Variants in DMRT1 observed in about 807,000 individuals in gnomAD.
DMRT1 encodes doublesex and mab-3 related transcription factor 1, also known as doublesex- and mab-3-related transcription factor 1.
DMRT1 carries 7 observed loss-of-function variants against 32.3 expected under a neutral mutation model. That is an observed-to-expected ratio of 0.22 (90% CI 0.12 to 0.41). The LOEUF is 0.41. Ranked by LOEUF, DMRT1 falls within the 10% of genes least tolerant of loss-of-function variation. The pLI is 1.00. For synonymous variants in DMRT1, 278 were observed against 206.1 expected (o/e 1.35, Z -2.99); for missense variants, 625 against 500.5 (o/e 1.25, Z -2.37).
intron 2 of DMRT1, among the ~76,000 whole-genome samples, chr9:892,867 C>CTTT (rs1441975569): frequency 2.0e-5 from 3 of 152,186 alleles, no homozygotes; most frequent in Non-Finnish European, 2.9e-5. Flanking sequence ...TCATTCCAAA[C>CTTT]TCTACCCCCA....
chr9:934,955 T>A (rs576331322), intron 4 of DMRT1, among the ~76,000 whole-genome samples: 1 of 152,320 alleles, frequency 6.6e-6, no homozygotes, highest in Non-Finnish European at 1.5e-5. Context: ...TATCTTACTT[T>A]TGTTTGTCTC....
rs780064237 is a variant in DMRT1, at chr9:842,230, G to GTTTTTTTTTTT, written c.354+51_354+61dup. The GTTTTTTTTTTT allele has an allele frequency of 4.6e-5, 58 of 1,267,082 alleles. 2 individuals are homozygous for GTTTTTTTTTTT. In the African/African-American group the frequency reaches 1.0e-3, roughly 22 times the overall value. 78.5% of individuals were successfully genotyped at this position (1,267,082 alleles called of 1,614,324 possible). ...GTGCGGGAGCCCGGGTTCAGCCTTA[G>GTTTTTTTTTTT]TTTTTTTTTTTTTTTTTTTTTTTAG... On this transcript the variant is annotated intron_variant, in intron 1 of 4. Coordinates refer to ENST00000382276, the MANE Select transcript of DMRT1 (RefSeq NM_021951.3).
At chr9:925,815 TAG>T (rs1818504394) in intron 4 of DMRT1, among the ~76,000 whole-genome samples, 1 of 152,128 alleles carries the variant, frequency 6.6e-6, no homozygotes, top group Non-Finnish European at 1.5e-5. Context: ...CAGTGCCTGT[TAG>T]GTAGGGGAAA....
At chr9:913,806 T>C (rs902627127) in intron 3 of DMRT1, among the ~76,000 whole-genome samples, 1 of 152,248 alleles carries the variant, frequency 6.6e-6, no homozygotes, top group Non-Finnish European at 1.5e-5. Context: ...CGCAGGAGAA[T>C]CGCTTGAAGC....
chr9:879,278 G>A (rs1258981783), intron 2 of DMRT1, among the ~76,000 whole-genome samples: 1 of 151,588 alleles, frequency 6.6e-6, no homozygotes, highest in Non-Finnish European at 1.5e-5. Context: ...TACCATACTG[G>A]AAACTAAAAT....
intron 4 of DMRT1, among the ~76,000 whole-genome samples, chr9:947,650 G>C (rs112123248): frequency 0.018 from 2,816 of 152,224 alleles, 101 homozygotes; most frequent in African/African-American, 0.065. Flanking sequence ...TTGAGACAGA[G>C]TCTGACTCTG....
intron 2 of DMRT1, among the ~76,000 whole-genome samples, chr9:862,284 G>A (rs971602442): frequency 2.6e-5 from 4 of 152,152 alleles, no homozygotes; most frequent in Admixed American, 2.0e-4. Flanking sequence ...CAGACCACTC[G>A]CGGTCAGGAG....
chr9:896,263 G>A (rs1028071018), intron 3 of DMRT1, among the ~76,000 whole-genome samples: 140 of 146,520 alleles, frequency 9.6e-4, no homozygotes, highest in Non-Finnish European at 1.3e-3. Context: ...TTTAAACTGA[G>A]ATTTTTTTTT....
At chr9:891,466 C>G (rs1283107840) in intron 2 of DMRT1, among the ~76,000 whole-genome samples, 2 of 148,432 alleles carry the variant, frequency 1.3e-5, no homozygotes, top group African/African-American at 4.9e-5. Flanking sequence ...AGTAAATAAA[C>G]AAAATAAAAG....
intron 2 of DMRT1, among the ~76,000 whole-genome samples, chr9:851,939 T>G (rs1655397852): frequency 2.2e-5 from 2 of 89,176 alleles, no homozygotes; most frequent in South Asian, 3.6e-4. Flanking sequence ...CAGGTACACT[T>G]TTTTTTTGTT....
chr9:861,885 A>G (rs1328891759), intron 2 of DMRT1, among the ~76,000 whole-genome samples: 12 of 133,652 alleles, frequency 9.0e-5, no homozygotes, highest in Middle Eastern at 5.0e-3. Context: ...GGGCAGAGGC[A>G]CTCTTCACAT....
At chr9:852,250 T>A (rs994804130) in intron 2 of DMRT1, among the ~76,000 whole-genome samples, 2 of 151,500 alleles carry the variant, frequency 1.3e-5, no homozygotes, top group African/African-American at 2.4e-5. Flanking sequence ...GGTACACTAT[T>A]GATAAGCAAA....
chr9:968,112 C>T lies in DMRT1; in HGVS notation c.1095C>T (p.Val365=), dbSNP rs776139453. 28 of 1,613,982 alleles carry T rather than the reference C, an allele frequency of 1.7e-5. 1 individual carries two copies. The South Asian group carries it at 3.1e-4, about 18-fold the overall frequency. ...EPASEPSSFT[V]TPVIEEDE is the part of the protein sequence containing the mutation. ...CGTCGGAGCCCAGCAGCTTCACAGT[C>T]ACTCCCGTCATCGAGGAGGACGAGT... is the stretch of plus-strand genomic sequence containing the variant. The change falls in exon 5 of 5, where the codon GTC becomes GTT. Residue 365 remains valine, a synonymous_variant. Transcript: ENST00000382276.
intron 4 of DMRT1, among the ~76,000 whole-genome samples, chr9:953,641 C>T (rs1273709297): frequency 6.6e-6 from 1 of 152,202 alleles, no homozygotes; most frequent in African/African-American, 2.4e-5. Flanking sequence ...TAAGCTGCTT[C>T]TTAGTTTTCC....
At chr9:888,497 T>G (rs928820432) in intron 2 of DMRT1, among the ~76,000 whole-genome samples, 1 of 151,976 alleles carries the variant, frequency 6.6e-6, no homozygotes, top group Non-Finnish European at 1.5e-5. Context: ...TGTAGAGGGG[T>G]TTTGTTTGCC....
chr9:927,218 GC>G (rs1326806596), intron 4 of DMRT1, among the ~76,000 whole-genome samples: 1 of 152,226 alleles, frequency 6.6e-6, no homozygotes, highest in African/African-American at 2.4e-5. Flanking sequence ...CCTTCTTTCG[GC>G]CGGCCGCTGT....
At position 888,612 on chromosome 9, in the gene DMRT1, T is replaced by C. The variant is rs145174961; in HGVS notation, c.539-5300T>C. ...ACTGTGCCTGACCTCATTTGTTGTA[T>C]ACTTTTATTTAATAGTCAGGACTGT... is the stretch of plus-strand genomic sequence containing the variant. On this transcript the variant is annotated intron_variant, in intron 2 of 4. Coordinates refer to ENST00000382276, the MANE Select transcript of DMRT1 (RefSeq NM_021951.3). Among the ~76,000 whole-genome samples, 959 of 152,270 alleles carry C rather than the reference T, an allele frequency of 6.3e-3. 9 individuals are homozygous for C. Among genetic ancestry groups the C allele is most frequent in the African/African-American group, 0.022 (932 of 41,550 alleles).
At chr9:870,712 T>TC (rs1215376724) in intron 2 of DMRT1, among the ~76,000 whole-genome samples, 1 of 128,046 alleles carries the variant, frequency 7.8e-6, no homozygotes, top group Non-Finnish European at 1.6e-5. Context: ...TTCTTGACTT[T>TC]TTTTTTTTTT....
chr9:917,783 T>G (rs902481383), intron 4 of DMRT1, among the ~76,000 whole-genome samples: 1 of 152,192 alleles, frequency 6.6e-6, no homozygotes. Context: ...AACCAGAAAG[T>G]CTAAAATAGC....
Sources: gnomAD v4.1 joint callset for allele counts (sites outside exome capture counted in the v4.1 genomes callset) on GRCh38, gnomAD v4.1.1 for gene constraint, MANE v1.5 for transcripts, NCBI Gene and HGNC (gene_info 2026-07-23, HGNC 2026-07-21) for gene names.